CEP70: variants seen among roughly 807,000 people sequenced by gnomAD.
The protein encoded by CEP70 is centrosomal protein of 70 kDa.
Under a neutral mutation model 90.9 loss-of-function variants are expected in CEP70, and 70 were observed. The ratio of observed to expected loss-of-function variants is 0.77; its 90% CI spans 0.64 to 0.94. The LOEUF (loss-of-function observed/expected upper bound fraction) is 0.94, where lower values mean the gene tolerates loss of function less well. Ranked by LOEUF, CEP70 falls within the 40% of genes least tolerant of loss-of-function variation. The pLI is 0.00. For missense variants in CEP70, 648 were observed against 669.0 expected (o/e 0.97, Z 0.35); for synonymous variants, 220 against 228.3 (o/e 0.96, Z 0.33).
intron 2 of CEP70, among the ~76,000 whole-genome samples, chr3:138,583,282 C>T (rs556051479): frequency 9.2e-4 from 140 of 152,232 alleles, no homozygotes; most frequent in Middle Eastern, 3.4e-3. Flanking sequence ...AAATATTATA[C>T]ACCCAACATT....
intron 6 of CEP70, among the ~76,000 whole-genome samples, chr3:138,539,883 C>T (rs1456562548): frequency 6.6e-6 from 1 of 152,162 alleles, no homozygotes; most frequent in Non-Finnish European, 1.5e-5. Context: ...CCCACCTAGG[C>T]AATACCATAC....
chr3:138,587,826 T>C (rs2042179581), intron 2 of CEP70, among the ~76,000 whole-genome samples: 1 of 152,134 alleles, frequency 6.6e-6, no homozygotes, highest in African/African-American at 2.4e-5. Context: ...GAAGGACTAA[T>C]ACTATATCAT....
At chr3:138,528,030 CTG>C (rs760734591) in intron 10 of CEP70, among the ~76,000 whole-genome samples, 26 of 146,428 alleles carry the variant, frequency 1.8e-4, no homozygotes, top group South Asian at 4.4e-4. Flanking sequence ...AAAAAAAAGA[CTG>C]AATCTATTTG....
intron 12 of CEP70, 72 bp downstream of exon 12, chr3:138,508,367 A>G: frequency 7.4e-6 from 7 of 948,506 alleles, no homozygotes; most frequent in Non-Finnish European, 1.2e-5. Context: ...CTGATAATTT[A>G]TTACACCACA....
At chr3:138,521,410 C>G (rs13070413) in intron 11 of CEP70, among the ~76,000 whole-genome samples, 1 of 147,072 alleles carries the variant, frequency 6.8e-6, no homozygotes, top group Admixed American at 6.8e-5. Context: ...AGGAGCCCCT[C>G]TGCCCAGCCG....
In CEP70 at chr3:138,584,445, C is replaced by T. The variant is rs191096628; in HGVS notation, c.-6+7409G>A. On this transcript the variant is annotated intron_variant, in intron 2 of 17. Transcript: ENST00000264982. ...GGCCAGTATTACCCTGATACCAAAA[C>T]CAGACAAAGACATATCAAAAAAAAA... is the stretch of plus-strand genomic sequence containing the variant. Among the ~76,000 whole-genome samples the T allele has an allele frequency of 4.9e-3, 668 of 136,874 alleles. 5 individuals carry two copies. Among genetic ancestry groups the T allele is most frequent in the Non-Finnish European group, 8.9e-3 (567 of 64,048 alleles). 89.8% of individuals were successfully genotyped at this position (136,874 alleles called of 152,430 possible). A position where few individuals can be genotyped will look rare whatever the true frequency, so the allele number is the denominator to read the frequency against.
intron 6 of CEP70, among the ~76,000 whole-genome samples, chr3:138,544,921 G>C (rs1560378396): frequency 6.6e-6 from 1 of 152,060 alleles, no homozygotes; most frequent in Non-Finnish European, 1.5e-5. Flanking sequence ...GGAGGGAAGG[G>C]GGAAATGAAG....
At chr3:138,496,243 T>C (rs532747791) in intron 17 of CEP70, 4 of 985,460 alleles carry the variant, frequency 4.1e-6, no homozygotes, top group Non-Finnish European at 4.8e-6. Flanking sequence ...ACTCTCTCCA[T>C]TGTGTAGCTG....
At chr3:138,501,900 T>A (rs961121554) in intron 13 of CEP70, among the ~76,000 whole-genome samples, 3 of 152,218 alleles carry the variant, frequency 2.0e-5, no homozygotes, top group Non-Finnish European at 2.9e-5. Flanking sequence ...GGATCAGTGA[T>A]GCTCAAATGG....
chr3:138,523,908 C>A (rs560412917), intron 11 of CEP70, among the ~76,000 whole-genome samples: 9 of 151,844 alleles, frequency 5.9e-5, no homozygotes, highest in Admixed American at 3.3e-4. Flanking sequence ...AAAGAGCCCG[C>A]ATTGCCAAGT....
chr3:138,539,458 A>T (rs556801693), intron 6 of CEP70, among the ~76,000 whole-genome samples: 1 of 152,314 alleles, frequency 6.6e-6, no homozygotes, highest in East Asian at 1.9e-4. Context: ...CTATCAGTGA[A>T]ATTTTAAAAA....
intron 17 of CEP70, chr3:138,496,923 T>C (rs1330467321): frequency 3.0e-6 from 3 of 986,016 alleles, no homozygotes; most frequent in African/African-American, 3.5e-5. Context: ...TATTAAAATA[T>C]GTTTATTAAT....
chr3:138,584,138 G>T (rs910150619), intron 2 of CEP70, among the ~76,000 whole-genome samples: 1 of 151,818 alleles, frequency 6.6e-6, no homozygotes, highest in African/African-American at 2.4e-5. Flanking sequence ...CCTACTAGGA[G>T]CAACTATATA....
At chr3:138,532,593 A>G in intron 7 of CEP70, 23 bp from the exon 8 acceptor site, 1 of 1,452,558 alleles carries the variant, frequency 6.9e-7, no homozygotes. Flanking sequence ...ATATTGAATT[A>G]TTTTCAAAAT....
At chr3:138,576,606 T>C (rs560841740) in intron 2 of CEP70, among the ~76,000 whole-genome samples, 5 of 152,312 alleles carry the variant, frequency 3.3e-5, no homozygotes, top group South Asian at 4.1e-4. Context: ...GCAGACCTAA[T>C]AGACATCTAC....
intron 6 of CEP70, among the ~76,000 whole-genome samples, chr3:138,543,939 T>C (rs904909815): frequency 5.9e-5 from 9 of 152,138 alleles, no homozygotes; most frequent in Admixed American, 2.6e-4. Flanking sequence ...GTGTAGAATG[T>C]TTTAGTTTTT....
At position 138,579,167 on chromosome 3, in the gene CEP70, C is replaced by A. The variant is rs568380152; in HGVS notation, c.-5-6235G>T. 8.7e-4 allele frequency among the ~76,000 whole-genome samples: 133 copies of A among 152,282 alleles called. 1 individual carries two copies. Among genetic ancestry groups the A allele is most frequent in the African/African-American group, 3.1e-3 (128 of 41,562 alleles). On this transcript the variant is annotated intron_variant, in intron 2 of 17. Coordinates refer to ENST00000264982, the MANE Select transcript of CEP70 (RefSeq NM_024491.4). ...CAACCCACTGGAGGGATCATTTAGA[C>A]CAGTCCTAGCCAGAGGGGAATCACC...
chr3:138,572,656 G>C (rs1158803962), intron 3 of CEP70, among the ~76,000 whole-genome samples: 1 of 152,170 alleles, frequency 6.6e-6, no homozygotes, highest in African/African-American at 2.4e-5. Context: ...AAGTATGTAT[G>C]AAATGCTGTA....
At position 138,521,578 on chromosome 3, in the gene CEP70, G is replaced by A. The variant is rs530374163; in HGVS notation, c.944+3912C>T. Among the ~76,000 whole-genome samples, 448 of 146,168 alleles carry A rather than the reference G, an allele frequency of 3.1e-3. 3 individuals carry two copies. The highest frequency in any genetic ancestry group is 7.2e-3 in the South Asian group (32 of 4,440). ...AGGAGCGCCTCTGCCCGGCCGCCCT[G>A]TCTGGGAGGTGAGGAGCATCTCTAC... On this transcript the variant is annotated intron_variant, in intron 11 of 17. Transcript: ENST00000264982.
Sources: allele counts gnomAD v4.1 joint callset (sites outside exome capture counted in the v4.1 genomes callset), GRCh38; gene constraint gnomAD v4.1.1; transcripts MANE v1.5; gene names NCBI Gene and HGNC (gene_info 2026-07-23, HGNC 2026-07-21).